Variants in HFM1 observed in about 807,000 individuals in gnomAD.
The protein encoded by HFM1 is helicase for meiosis 1.
Under a neutral mutation model 192.1 loss-of-function variants are expected in HFM1, and 169 were observed. The ratio of observed to expected loss-of-function variants is 0.88; its 90% CI spans 0.78 to 1.00. The LOEUF is 1.00. Ranked by LOEUF, HFM1 falls within the 50% of genes least tolerant of loss-of-function variation. The probability of loss-of-function intolerance (pLI) is 0.00; values close to 1 mark genes in which losing one functional copy is unlikely to be tolerated. For missense variants in HFM1, 1,661 were observed against 1,668.0 expected, an observed-to-expected ratio of 1.00 and a Z score of 0.07; for synonymous variants, 525 against 537.8, an observed-to-expected ratio of 0.98 and a Z score of 0.33.
At chr1:91,389,329 T>C (rs1662640337) in intron 4 of HFM1, among the ~76,000 whole-genome samples, 1 of 151,956 alleles carries the variant, frequency 6.6e-6, no homozygotes, top group African/African-American at 2.4e-5. Context: ...ATCTGGCTAA[T>C]TTTCGTATTT....
chr1:91,286,941 C>A (rs1014612764), intron 30 of HFM1, among the ~76,000 whole-genome samples: 3 of 152,172 alleles, frequency 2.0e-5, no homozygotes, highest in Non-Finnish European at 4.4e-5. Flanking sequence ...CCGAATACTG[C>A]GCTTTTCCGA....
At chr1:91,282,500 A>G (rs1245668478) in intron 30 of HFM1, among the ~76,000 whole-genome samples, 1 of 152,106 alleles carries the variant, frequency 6.6e-6, no homozygotes, top group Non-Finnish European at 1.5e-5. Context: ...ACATTTTCCT[A>G]AAATGTCTCA....
intron 13 of HFM1, among the ~76,000 whole-genome samples, chr1:91,359,454 A>G (rs182287069): frequency 1.3e-5 from 2 of 152,242 alleles, no homozygotes; most frequent in East Asian, 1.9e-4. Flanking sequence ...GAACTTCACA[A>G]TGCAATCGCA....
At chr1:91,320,339 T>C (rs1303136960) in intron 23 of HFM1, among the ~76,000 whole-genome samples, 2 of 152,218 alleles carry the variant, frequency 1.3e-5, no homozygotes, top group African/African-American at 4.8e-5. Context: ...TTTAAACTAT[T>C]CACTTTTTTT....
chr1:91,346,957 TA>T (rs1396457983), intron 19 of HFM1, among the ~76,000 whole-genome samples: 1 of 151,690 alleles, frequency 6.6e-6, no homozygotes, highest in Admixed American at 6.6e-5. Flanking sequence ...AACCCCTTTC[TA>T]AAAAAAATAC....
In HFM1 at chr1:91,266,054, C is replaced by T. The variant is rs1396930875; in HGVS notation, c.3937G>A (p.Glu1313Lys). 6 of 1,584,538 alleles carry T rather than the reference C, an allele frequency of 3.8e-6. No individual in the cohort carries two copies. Among genetic ancestry groups the T allele is most frequent in the Non-Finnish European group, 5.1e-6 (6 of 1,171,526 alleles). The change falls in exon 36 of 39, where the codon GAG becomes AAG. Residue 1313 changes from glutamate (E) to lysine (K), a missense_variant. Coordinates refer to ENST00000370425, the MANE Select transcript of HFM1 (RefSeq NM_001017975.6). ...TCTCTTTGGAATTTGCTCTTTGACTCTTGAAGGGGTAGCTTACTTCCCCTG... is the reference window on the plus strand; with the variant it reads ...TCTCTTTGGAATTTGCTCTTTGACTTTTGAAGGGGTAGCTTACTTCCCCTG... ...STRGSKLPLQ[E>K]SKSKFQREMS...
At chr1:91,331,503 T>C (rs1454016382) in intron 20 of HFM1, among the ~76,000 whole-genome samples, 1 of 150,822 alleles carries the variant, frequency 6.6e-6, no homozygotes, top group Non-Finnish European at 1.5e-5. Context: ...ATGAAAAACC[T>C]GAAAAAGAAA....
intron 28 of HFM1, among the ~76,000 whole-genome samples, chr1:91,314,509 C>T (rs1209371267): frequency 6.6e-6 from 1 of 152,124 alleles, no homozygotes; most frequent in African/African-American, 2.4e-5. Flanking sequence ...CCTCCTGCCT[C>T]AGCCTCTCAA....
At chr1:91,300,449 C>A (rs576213944) in intron 30 of HFM1, among the ~76,000 whole-genome samples, 1 of 152,148 alleles carries the variant, frequency 6.6e-6, no homozygotes, top group African/African-American at 2.4e-5. Flanking sequence ...CCAGCATCAT[C>A]CTGATACCAA....
intron 30 of HFM1, among the ~76,000 whole-genome samples, chr1:91,293,384 C>T (rs1669007607): frequency 6.6e-6 from 1 of 152,096 alleles, no homozygotes. Context: ...AAAAAGTGGG[C>T]AAAGGACATG....
At chr1:91,401,715 A>C (rs1254405558) in intron 1 of HFM1, among the ~76,000 whole-genome samples, 1 of 152,194 alleles carries the variant, frequency 6.6e-6, no homozygotes, top group Non-Finnish European at 1.5e-5. Context: ...ACTTTTTCAA[A>C]ATAAAAAAAT....
Position 91,380,158 on chromosome 1 carries a change from T to C in HFM1, c.952A>G (p.Thr318Ala), listed in dbSNP as rs1355803440. 2.0e-6 allele frequency: 3 copies of C among 1,515,186 alleles called. No individual in the cohort carries two copies. The highest frequency in any genetic ancestry group is 2.7e-6 in the Non-Finnish European group (3 of 1,101,208). 93.9% of individuals were successfully genotyped at this position (1,515,186 alleles called of 1,614,324 possible). A position where few individuals can be genotyped will look rare whatever the true frequency, so the allele number is the denominator to read the frequency against. Residue 318 changes from threonine (T) to alanine (A), a missense_variant, in exon 8 of 39, where the codon ACA becomes GCA. Thr to Ala is a moderately conservative substitution (Grantham distance 58, BLOSUM62 0). Transcript: ENST00000370425. ...AATGGTACTTCCATTAACAATCTTG[T>C]TATAGCTAGTTCAAACACTACAGTT... ...GKTVVFELAI[T>A]RLLMEVPLPW...
intron 30 of HFM1, among the ~76,000 whole-genome samples, chr1:91,313,028 T>C (rs1650698360): frequency 6.6e-6 from 1 of 152,078 alleles, no homozygotes; most frequent in African/African-American, 2.4e-5. Context: ...TTCTGAGGCC[T>C]CCCCAGCCAT....
intron 20 of HFM1, among the ~76,000 whole-genome samples, chr1:91,326,501 T>C (rs540914703): frequency 2.6e-4 from 39 of 152,186 alleles, no homozygotes; most frequent in Non-Finnish European, 4.4e-4. Flanking sequence ...TACTCTAGAA[T>C]AGTATATCTG....
chr1:91,270,667 G>A (rs1666206442), intron 34 of HFM1, among the ~76,000 whole-genome samples: 1 of 151,884 alleles, frequency 6.6e-6, no homozygotes, highest in Non-Finnish European at 1.5e-5. Context: ...CAACATAATG[G>A]TTTTACTGAA....
intron 30 of HFM1, among the ~76,000 whole-genome samples, chr1:91,282,544 T>C (rs1232809748): frequency 6.6e-6 from 1 of 152,202 alleles, no homozygotes; most frequent in Non-Finnish European, 1.5e-5. Flanking sequence ...AGGTTCCTAT[T>C]ATATCTCCAT....
chr1:91,329,570 A>G (rs1653493156), intron 20 of HFM1: 3 of 1,251,618 alleles, frequency 2.4e-6, no homozygotes, highest in African/African-American at 1.5e-5. Context: ...GCCCTCTTGT[A>G]CCCTTAAGAG....
At chr1:91,290,251 C>A (rs1024977606) in intron 30 of HFM1, among the ~76,000 whole-genome samples, 3 of 152,142 alleles carry the variant, frequency 2.0e-5, no homozygotes, top group Admixed American at 6.5e-5. Context: ...AAGACACAGA[C>A]TGGCAAATTG....
intron 20 of HFM1, among the ~76,000 whole-genome samples, chr1:91,341,393 A>C (rs928757400): frequency 3.9e-5 from 6 of 152,170 alleles, no homozygotes; most frequent in Non-Finnish European, 8.8e-5. Context: ...TGATGAAAAC[A>C]AAGGCAGAAC....
Sources: allele counts gnomAD v4.1 joint callset (sites outside exome capture counted in the v4.1 genomes callset), GRCh38; gene constraint gnomAD v4.1.1; transcripts MANE v1.5; gene names NCBI Gene and HGNC (gene_info 2026-07-23, HGNC 2026-07-21).